Variants in SIPA1L3 observed in about 807,000 individuals in gnomAD.
SIPA1L3 encodes the protein signal-induced proliferation-associated 1-like protein 3.
A neutral mutation model predicts 150.1 loss-of-function variants in SIPA1L3; 59 were observed. The ratio of observed to expected loss-of-function variants is 0.39; its 90% confidence interval spans 0.32 to 0.49. SIPA1L3 has a LOEUF of 0.49. Among genes scored for constraint, SIPA1L3 ranks in the 20% least tolerant of loss-of-function variants. The pLI, the probability that SIPA1L3 is intolerant of heterozygous loss-of-function variation, is 0.86. For missense variants in SIPA1L3, 2,211 were observed against 2,489.5 expected, an observed-to-expected ratio of 0.89 and a Z score of 2.38; for synonymous variants, 1,070 against 1,077.6, an observed-to-expected ratio of 0.99 and a Z score of 0.14.
chr19:37,944,759 T>C (rs930867511), intron 1 of SIPA1L3, among the ~76,000 whole-genome samples: 24 of 152,114 alleles, frequency 1.6e-4, no homozygotes, highest in Non-Finnish European at 8.8e-5. Flanking sequence ...GAGACCAGCC[T>C]GGCCAACATG....
intron 15 of SIPA1L3, among the ~76,000 whole-genome samples, chr19:38,170,398 G>GC (rs201770533): frequency 0.017 from 2,654 of 152,294 alleles, 36 homozygotes; most frequent in Admixed American, 0.028. Flanking sequence ...CAGCCCAGCA[G>GC]CCCCCCTCAT....
rs1488328646 is a variant in SIPA1L3 at position 38,156,041 on chromosome 19, G to A, written c.3661+3074G>A. Among the ~76,000 whole-genome samples, 9 of 151,742 alleles carry A rather than the reference G, an allele frequency of 5.9e-5. No homozygotes were observed. In the East Asian group the frequency reaches 1.2e-3, roughly 20 times the overall value. On this transcript the variant is annotated intron_variant, in intron 13 of 21. Coordinates refer to ENST00000222345, the MANE Select transcript of SIPA1L3 (RefSeq NM_015073.3). Reference sequence around the variant, plus strand: ...AGTTGCAGTAAGCTGAGATCGCGCCGTTCCACTCCAGCCTGGGTAACGAGA... The same window carrying A: ...AGTTGCAGTAAGCTGAGATCGCGCCATTCCACTCCAGCCTGGGTAACGAGA...
intron 15 of SIPA1L3, among the ~76,000 whole-genome samples, chr19:38,181,905 A>G (rs549409540): frequency 6.6e-5 from 10 of 151,390 alleles, no homozygotes; most frequent in African/African-American, 2.4e-4. Flanking sequence ...TAATCCCAAC[A>G]CTTTGGGAGG....
intron 8 of SIPA1L3, among the ~76,000 whole-genome samples, chr19:38,118,157 T>G (rs1970932327): frequency 6.6e-6 from 1 of 152,202 alleles, no homozygotes; most frequent in Non-Finnish European, 1.5e-5. Flanking sequence ...TCAAAAGAAC[T>G]AAAACTCATA....
At position 38,081,781 on chromosome 19, in the gene SIPA1L3, C is replaced by A. The variant is rs776331340; in HGVS notation, c.216C>A (p.Pro72=). The A allele has an allele frequency of 3.2e-5, 52 of 1,610,894 alleles. No individual in the cohort carries two copies. The highest frequency in any genetic ancestry group is 4.2e-5 in the Non-Finnish European group (50 of 1,179,122). ...CCACCCGCCCCAGCCCCACCACTCC[C>A]GCAATGCCCAAGATGGGCGTGCGCG... ...TATTRPSPTT[P]AMPKMGVRAR... The change falls in exon 3 of 22, where the codon CCC becomes CCA. Residue 72 remains proline (P), a synonymous_variant. Transcript: ENST00000222345.
intron 8 of SIPA1L3, 108 bp from the exon 9 acceptor site, chr19:38,119,198 A>AAAAC (rs1010982869): frequency 1.8e-6 from 2 of 1,124,878 alleles, no homozygotes; most frequent in Admixed American, 2.4e-5. Flanking sequence ...CTGTCTCGAT[A>AAAAC]AAACAAACAA....
At chr19:37,949,114 A>C (rs1250749643) in intron 1 of SIPA1L3, among the ~76,000 whole-genome samples, 5 of 152,190 alleles carry the variant, frequency 3.3e-5, no homozygotes, top group African/African-American at 1.2e-4. Context: ...TAGGACTTGC[A>C]CTGTCTCCTG....
At chr19:38,059,523 AATACATTTGT>A (rs1207771317) in intron 2 of SIPA1L3, among the ~76,000 whole-genome samples, 5 of 152,200 alleles carry the variant, frequency 3.3e-5, no homozygotes, top group African/African-American at 1.2e-4. Flanking sequence ...GAGATTTTAA[AATACATTTGT>A]ATACATTTTA....
At chr19:38,109,984 A>C (rs1246711175) in intron 7 of SIPA1L3, 1 of 471,154 alleles carries the variant, frequency 2.1e-6, no homozygotes, top group Non-Finnish European at 3.9e-6. Flanking sequence ...TGTTCCTAGC[A>C]GAGGGAACAG....
chr19:37,998,215 G>C (rs1967692552), intron 1 of SIPA1L3, among the ~76,000 whole-genome samples: 1 of 152,112 alleles, frequency 6.6e-6, no homozygotes, highest in African/African-American at 2.4e-5. Context: ...AACCTTTTTG[G>C]ATTTGTATCG....
At chr19:37,983,762 T>G (rs1389175927) in intron 1 of SIPA1L3, among the ~76,000 whole-genome samples, 1 of 151,834 alleles carries the variant, frequency 6.6e-6, no homozygotes, top group East Asian at 1.9e-4. Context: ...AAAAATTAGC[T>G]GGGCGTGGTG....
intron 8 of SIPA1L3, among the ~76,000 whole-genome samples, chr19:38,117,384 C>A (rs1467207948): frequency 6.6e-6 from 1 of 152,062 alleles, no homozygotes; most frequent in Non-Finnish European, 1.5e-5. Context: ...CTTTGGGAGG[C>A]CAGGGTGGGT....
intron 1 of SIPA1L3, among the ~76,000 whole-genome samples, chr19:37,957,557 T>C (rs1257251018): frequency 6.6e-6 from 1 of 150,468 alleles, no homozygotes; most frequent in Non-Finnish European, 1.5e-5. Flanking sequence ...TTTCTTTTTT[T>C]TCTTTTTTCT....
At chr19:38,028,715 C>G (rs552092136) in intron 1 of SIPA1L3, among the ~76,000 whole-genome samples, 15 of 138,280 alleles carry the variant, frequency 1.1e-4, no homozygotes, top group African/African-American at 4.1e-4. Flanking sequence ...TTTTTTGAGA[C>G]AGAGTCTTGC....
At chr19:38,158,157 C>T (rs1211135136) in intron 13 of SIPA1L3, among the ~76,000 whole-genome samples, 3 of 151,954 alleles carry the variant, frequency 2.0e-5, no homozygotes, top group Non-Finnish European at 2.9e-5. Flanking sequence ...CACTTGAACC[C>T]GGGAGGTGGA....
intron 2 of SIPA1L3, among the ~76,000 whole-genome samples, chr19:38,035,276 T>G (rs1283723648): frequency 6.6e-6 from 1 of 152,214 alleles, no homozygotes; most frequent in African/African-American, 2.4e-5. Flanking sequence ...TGGGTCTCCA[T>G]CCATCCTTCC....
intron 12 of SIPA1L3, among the ~76,000 whole-genome samples, chr19:38,152,586 C>A (rs905847559): frequency 6.6e-6 from 1 of 152,208 alleles, no homozygotes; most frequent in African/African-American, 2.4e-5. Context: ...CCCTCCTTCC[C>A]TTAGGAACCC....
intron 1 of SIPA1L3, among the ~76,000 whole-genome samples, chr19:37,953,626 T>C (rs929197474): frequency 3.3e-5 from 5 of 152,212 alleles, no homozygotes; most frequent in African/African-American, 1.2e-4. Context: ...AGGAAATCTT[T>C]TGAATTGACC....
At chr19:37,978,601 C>T (rs1967129301) in intron 1 of SIPA1L3, among the ~76,000 whole-genome samples, 1 of 152,170 alleles carries the variant, frequency 6.6e-6, no homozygotes, top group South Asian at 2.1e-4. Flanking sequence ...TCCTTCTATA[C>T]CATGCACAGC....
Sources: allele counts gnomAD v4.1 joint callset (sites outside exome capture counted in the v4.1 genomes callset), GRCh38; gene constraint gnomAD v4.1.1; transcripts MANE v1.5; gene names NCBI Gene and HGNC (gene_info 2026-07-23, HGNC 2026-07-21).